BBS9: variants seen among roughly 807,000 people sequenced by gnomAD.
BBS9 encodes protein PTHB1.
A neutral mutation model predicts 117.7 loss-of-function variants in BBS9; 89 were observed. The ratio of observed to expected loss-of-function variants is 0.76; its 90% CI spans 0.64 to 0.90. The LOEUF (loss-of-function observed/expected upper bound fraction) is 0.90, where lower values mean the gene tolerates loss of function less well. Ranked by LOEUF, BBS9 falls within the 40% of genes least tolerant of loss-of-function variation. The probability of loss-of-function intolerance (pLI) is 0.00; values close to 1 mark genes in which losing one functional copy is unlikely to be tolerated. For missense variants in BBS9, 982 were observed against 1,042.2 expected, an observed-to-expected ratio of 0.94 and a Z score of 0.80; for synonymous variants, 379 against 370.9, an observed-to-expected ratio of 1.02 and a Z score of -0.25.
At chr7:33,421,475 A>G (rs1832850844) in intron 19 of BBS9, among the ~76,000 whole-genome samples, 1 of 152,196 alleles carries the variant, frequency 6.6e-6, no homozygotes, top group Non-Finnish European at 1.5e-5. Flanking sequence ...ATTCTTAATT[A>G]TTCATAGAAA....
chr7:33,406,327 G>A (rs540955478), intron 19 of BBS9, among the ~76,000 whole-genome samples: 2 of 152,148 alleles, frequency 1.3e-5, no homozygotes, highest in African/African-American at 2.4e-5. Flanking sequence ...TGTTGATTTG[G>A]GGTGGAGAGT....
chr7:33,561,178 G>A (rs927123981), intron 21 of BBS9, among the ~76,000 whole-genome samples: 1 of 152,152 alleles, frequency 6.6e-6, no homozygotes, highest in Admixed American at 6.5e-5. Flanking sequence ...ATACACTGAA[G>A]AAGAATTGAT....
At position 33,219,579 on chromosome 7, in the gene BBS9, A is replaced by G. The variant is rs536076084; in HGVS notation, c.443-37657A>G. Among the ~76,000 whole-genome samples the G allele has an allele frequency of 5.9e-5, 9 of 152,284 alleles. 1 individual carries two copies. The highest frequency in any genetic ancestry group is 2.0e-4 in the Admixed American group (3 of 15,294). On this transcript the variant is annotated intron_variant, in intron 5 of 22. Coordinates refer to ENST00000242067, the MANE Select transcript of BBS9 (RefSeq NM_198428.3). ...TAGCTCAGGGTTTGTGAATGCACCAATTGACACTCTGTGTCTAGCTACTCT... is the reference window on the plus strand; with the variant it reads ...TAGCTCAGGGTTTGTGAATGCACCAGTTGACACTCTGTGTCTAGCTACTCT...
intron 9 of BBS9, among the ~76,000 whole-genome samples, chr7:33,289,572 G>T (rs1302799335): frequency 6.6e-6 from 1 of 151,994 alleles, no homozygotes; most frequent in African/African-American, 2.4e-5. Flanking sequence ...CATTTCAGAT[G>T]CAACATTTTG....
chr7:33,491,067 G>T (rs181378040), intron 19 of BBS9, among the ~76,000 whole-genome samples: 2 of 152,114 alleles, frequency 1.3e-5, no homozygotes. Context: ...GCCTATAGTA[G>T]GTCCTACCTA....
At chr7:33,628,456 T>A (rs1364906716) in intron 21 of BBS9, among the ~76,000 whole-genome samples, 1 of 152,208 alleles carries the variant, frequency 6.6e-6, no homozygotes, top group East Asian at 1.9e-4. Flanking sequence ...AACACTAAGA[T>A]TATCTCAGTA....
chr7:33,272,314 G>T (rs1799933734), intron 7 of BBS9, among the ~76,000 whole-genome samples: 1 of 152,116 alleles, frequency 6.6e-6, no homozygotes, highest in Non-Finnish European at 1.5e-5. Context: ...GAATTTACCT[G>T]TATAACAAAC....
intron 21 of BBS9, among the ~76,000 whole-genome samples, chr7:33,634,101 G>A (rs528098234): frequency 1.1e-4 from 16 of 152,276 alleles, no homozygotes; most frequent in African/African-American, 2.6e-4. Flanking sequence ...TCTTCCTCAC[G>A]CAGGCCCGTC....
intron 13 of BBS9, among the ~76,000 whole-genome samples, chr7:33,349,627 C>T (rs4270863): frequency 0.18 from 26,877 of 151,898 alleles, 2,545 homozygotes; most frequent in South Asian, 0.21. Flanking sequence ...GACGGGGTTT[C>T]GCCATGTTAT....
At chr7:33,451,969 G>A (rs1837939047) in intron 19 of BBS9, among the ~76,000 whole-genome samples, 1 of 152,110 alleles carries the variant, frequency 6.6e-6, no homozygotes. Context: ...AAGAAACTGG[G>A]ATTACAGGTG....
intron 21 of BBS9, among the ~76,000 whole-genome samples, chr7:33,582,471 A>G (rs1428590990): frequency 6.6e-6 from 1 of 152,014 alleles, no homozygotes; most frequent in Non-Finnish European, 1.5e-5. Context: ...TTTTAAGTAC[A>G]AGGATGATAT....
intron 19 of BBS9, among the ~76,000 whole-genome samples, chr7:33,393,542 A>T (rs1450262421): frequency 6.6e-6 from 1 of 152,206 alleles, no homozygotes; most frequent in Non-Finnish European, 1.5e-5. Context: ...CAACTTTCTG[A>T]TGAGTAGAAC....
At chr7:33,312,482 T>C (rs775561288) in intron 9 of BBS9, among the ~76,000 whole-genome samples, 6 of 151,524 alleles carry the variant, frequency 4.0e-5, no homozygotes, top group Non-Finnish European at 5.9e-5. Flanking sequence ...CGCATAGATA[T>C]TGAGGAGGAC....
chr7:33,350,873 T>C (rs1818516341), intron 13 of BBS9, among the ~76,000 whole-genome samples: 1 of 152,222 alleles, frequency 6.6e-6, no homozygotes, highest in African/African-American at 2.4e-5. Context: ...TTTGTATTTT[T>C]AGTAAAGATG....
intron 7 of BBS9, among the ~76,000 whole-genome samples, chr7:33,265,521 C>T (rs941374869): frequency 6.6e-6 from 1 of 152,100 alleles, no homozygotes; most frequent in Non-Finnish European, 1.5e-5. Flanking sequence ...TCAGTTTCCT[C>T]ATTTGCAAAG....
At position 33,527,619 on chromosome 7, in the gene BBS9, G is replaced by A. The variant is rs1021894993; in HGVS notation, c.2299-6335G>A. ...CCCTGCTTCGGCTCGCGCACGGTGCGCACACCCACTGACCTGCGCCCACTG... is the reference window on the plus strand; with the variant it reads ...CCCTGCTTCGGCTCGCGCACGGTGCACACACCCACTGACCTGCGCCCACTG... On this transcript the variant is annotated intron_variant, in intron 20 of 22. Transcript: ENST00000242067. Among the ~76,000 whole-genome samples the A allele has an allele frequency of 1.4e-3, 215 of 152,246 alleles. 1 individual carries two copies. Among genetic ancestry groups the A allele is most frequent in the African/African-American group, 4.8e-3 (198 of 41,556 alleles).
chr7:33,191,341 C>T (rs1482485295), intron 5 of BBS9, among the ~76,000 whole-genome samples: 1 of 152,090 alleles, frequency 6.6e-6, no homozygotes, highest in African/African-American at 2.4e-5. Context: ...AATGGTCAGT[C>T]TGAATGAAGA....
chr7:33,163,367 C>T (rs1184329250), intron 4 of BBS9, among the ~76,000 whole-genome samples: 1 of 152,152 alleles, frequency 6.6e-6, no homozygotes, highest in Non-Finnish European at 1.5e-5. Flanking sequence ...GGAAGATTCC[C>T]TCTTTTTCTA....
At chr7:33,625,332 C>A (rs2700689) in intron 21 of BBS9, among the ~76,000 whole-genome samples, 138,479 of 152,120 alleles carry the variant, frequency 0.91, 63,682 homozygotes, top group Non-Finnish European at 0.96. Flanking sequence ...TGTTCCAGGC[C>A]CTGAATTCTA....
Sources: allele counts gnomAD v4.1 joint callset (sites outside exome capture counted in the v4.1 genomes callset), GRCh38; gene constraint gnomAD v4.1.1; transcripts MANE v1.5; gene names NCBI Gene and HGNC (gene_info 2026-07-23, HGNC 2026-07-21).